The following CSPP1 variants were observed in gnomAD, a reference collection of about 807,000 sequenced individuals.
CSPP1 encodes centrosome and spindle pole associated protein 1.
In CSPP1, 126 loss-of-function variants were observed where a neutral mutation model predicts 164.4. The ratio of observed to expected loss-of-function variants is 0.77; its 90% CI spans 0.66 to 0.89. CSPP1 has a LOEUF of 0.89. Ranked by LOEUF, CSPP1 falls within the 40% of genes least tolerant of loss-of-function variation. The pLI, the probability that CSPP1 is intolerant of heterozygous loss-of-function variation, is 0.00. For synonymous variants in CSPP1, 472 were observed against 476.7 expected, an observed-to-expected ratio of 0.99 and a Z score of 0.13; for missense variants, 1,395 against 1,449.8, an observed-to-expected ratio of 0.96 and a Z score of 0.61.
intron 23 of CSPP1, among the ~76,000 whole-genome samples, chr8:67,164,044 A>G (rs1828858981): frequency 6.6e-6 from 1 of 152,138 alleles, no homozygotes; most frequent in Non-Finnish European, 1.5e-5. Context: ...ATGTATGTGT[A>G]TTTCTGTGCA....
At chr8:67,091,980 C>A in intron 5 of CSPP1, 97 bp downstream of exon 5, 1 of 321,238 alleles carries the variant, frequency 3.1e-6, no homozygotes, top group Non-Finnish European at 6.0e-6. Flanking sequence ...TGGAAGATCA[C>A]ATCATTTCCC....
chr8:67,110,397 T>G (rs1333052939), intron 9 of CSPP1, among the ~76,000 whole-genome samples: 1 of 152,050 alleles, frequency 6.6e-6, no homozygotes, highest in African/African-American at 2.4e-5. Context: ...TTCTGACATG[T>G]TCCCTGAGAG....
intron 16 of CSPP1, among the ~76,000 whole-genome samples, chr8:67,132,845 C>T (rs1016429074): frequency 1.2e-4 from 18 of 152,192 alleles, no homozygotes; most frequent in African/African-American, 4.3e-4. Flanking sequence ...GAGTAACTAT[C>T]AAATGTATGG....
rs772464232 is a variant in CSPP1, at chr8:67,195,572, C to G, written c.3660C>G (p.Gly1220=). ...AACCAGGCACTTTCACTTGGCAGGG[C>G]CTGTCGACTGCACATGGTTAAAATA... ...PGKPGTFTWQ[G]LSTAHG Residue 1220 remains glycine, a synonymous_variant, in exon 31 of 31, where the codon GGC becomes GGG. Transcript: ENST00000678616. 6.2e-7 allele frequency: 1 copy of G among 1,614,096 alleles called. No individual in the cohort carries two copies. The highest frequency in any genetic ancestry group is 1.1e-5 in the South Asian group (1 of 91,072).
intron 26 of CSPP1, among the ~76,000 whole-genome samples, chr8:67,177,145 G>A (rs1325132068): frequency 6.0e-5 from 9 of 150,572 alleles, no homozygotes; most frequent in Non-Finnish European, 1.3e-4. Flanking sequence ...AAATATCTGA[G>A]AAGGAATACA....
chr8:67,177,858 A>G, intron 27 of CSPP1, 132 bp downstream of exon 27: 1 of 730,226 alleles, frequency 1.4e-6, no homozygotes, highest in Non-Finnish European at 2.5e-6. Context: ...TTATCAGTAA[A>G]GTGGATAGCT....
In CSPP1 at chr8:67,131,994, G is replaced by A. The variant is rs1821329233; in HGVS notation, c.1741G>A (p.Val581Met). The A allele has an allele frequency of 6.2e-7, 1 of 1,613,484 alleles. No homozygotes were observed. Among genetic ancestry groups the A allele is most frequent in the African/African-American group, 1.3e-5 (1 of 75,046 alleles). ...QNELKITSDQ[V>M]INSGLIFEDK... Reference sequence around the variant, plus strand: ...TGAACTGAAGATTACAAGTGATCAAGTGATAAATTCAGGATTGATTTTTGA... The same window carrying A: ...TGAACTGAAGATTACAAGTGATCAAATGATAAATTCAGGATTGATTTTTGA... Residue 581 changes from valine to methionine, a missense_variant, in exon 16 of 31, where the codon GTG (valine) becomes ATG (methionine). Val to Met is a conservative substitution (Grantham distance 21). Transcript: ENST00000678616.
At chr8:67,116,921 A>G (rs1223602082) in intron 13 of CSPP1, among the ~76,000 whole-genome samples, 1 of 152,098 alleles carries the variant, frequency 6.6e-6, no homozygotes, top group African/African-American at 2.4e-5. Context: ...TGTGTTTACT[A>G]TACTTATCAG....
intron 25 of CSPP1, among the ~76,000 whole-genome samples, chr8:67,173,157 G>A (rs1252296125): frequency 6.6e-6 from 1 of 152,180 alleles, no homozygotes; most frequent in African/African-American, 2.4e-5. Flanking sequence ...AGAGGGATCA[G>A]GAGCTGGAAG....
At chr8:67,067,135 T>G (rs1462947359) in intron 1 of CSPP1, among the ~76,000 whole-genome samples, 1 of 152,190 alleles carries the variant, frequency 6.6e-6, no homozygotes. Context: ...TTTCTCATGC[T>G]CCCATAGTGG....
At chr8:67,167,353 C>A (rs1472744636) in intron 24 of CSPP1, among the ~76,000 whole-genome samples, 1 of 150,074 alleles carries the variant, frequency 6.7e-6, no homozygotes, top group Non-Finnish European at 1.5e-5. Flanking sequence ...CGGAGGCTGC[C>A]CCCCACCTCC....
intron 17 of CSPP1, among the ~76,000 whole-genome samples, chr8:67,148,181 A>G (rs1266508905): frequency 1.3e-5 from 2 of 152,188 alleles, no homozygotes; most frequent in Non-Finnish European, 2.9e-5. Flanking sequence ...GGCCTCCCAA[A>G]GTGCTGGGAT....
At position 67,095,429 on chromosome 8, in the gene CSPP1, T is replaced by C; in HGVS notation, c.620T>C (p.Leu207Pro). ...CCTTCAGAGGCATATGAAGAACTTC[T>C]GAACCAAAGACGACTAGAGGAGGAC... is the stretch of plus-strand genomic sequence containing the variant. Reference protein sequence around the residue: ...LTPSEAYEELLNQRRLEEDRY... With the variant: ...LTPSEAYEELPNQRRLEEDRY... The change falls in exon 7 of 31, where the codon CTG becomes CCG. Residue 207 changes from leucine to proline, a missense_variant. Leu to Pro is a moderately conservative substitution (Grantham distance 98, BLOSUM62 -3). Transcript: ENST00000678616. 1 of 1,613,520 alleles carries C rather than the reference T, an allele frequency of 6.2e-7. No individual in the cohort carries two copies. The highest frequency in any genetic ancestry group is 8.5e-7 in the Non-Finnish European group (1 of 1,179,860).
chr8:67,172,268 A>G, intron 24 of CSPP1, 148 bp from the exon 25 acceptor site: 1 of 564,762 alleles, frequency 1.8e-6, no homozygotes, highest in Non-Finnish European at 3.1e-6. Context: ...TGCTGGGATT[A>G]CAAGTGTGAG....
intron 1 of CSPP1, chr8:67,065,407 C>G: frequency 4.0e-6 from 1 of 251,952 alleles, no homozygotes; most frequent in South Asian, 1.5e-4. Flanking sequence ...CCATCACCTA[C>G]TTTCCAAACA....
intron 1 of CSPP1, 101 bp downstream of exon 1, chr8:67,064,639 C>A: frequency 1.1e-6 from 1 of 906,896 alleles, no homozygotes; most frequent in Non-Finnish European, 1.5e-6. Flanking sequence ...GGGCGTAGGT[C>A]TCGAGGCAAC....
chr8:67,123,911 T>C (rs1819530653), intron 15 of CSPP1, among the ~76,000 whole-genome samples: 1 of 151,318 alleles, frequency 6.6e-6, no homozygotes, highest in Non-Finnish European at 1.5e-5. Flanking sequence ...GGCTCTTTTT[T>C]TTTTTTTTAA....
At chr8:67,097,845 A>G (rs1441117534) in intron 7 of CSPP1, among the ~76,000 whole-genome samples, 1 of 151,976 alleles carries the variant, frequency 6.6e-6, no homozygotes, top group Non-Finnish European at 1.5e-5. Context: ...TCCAAATACT[A>G]TTTAAGAATA....
rs1586789088 is a variant in CSPP1 at position 67,179,935 on chromosome 8, A to G, written c.3220+9A>G. The G allele has an allele frequency of 4.2e-6, 6 of 1,439,748 alleles. No homozygotes were observed. The African/African-American group carries it at 5.6e-5, about 13-fold the overall frequency. The allele number at this position is 1,439,748 out of a possible 1,614,324, so 89.2% of individuals were successfully genotyped here. A position where few individuals can be genotyped will look rare whatever the true frequency, so the allele number is the denominator to read the frequency against. ...TGATAGTGCTTTTATTGGTGAGTATATTTATTTTATTAAGGCTATATTGTT... is the reference window on the plus strand; with the variant it reads ...TGATAGTGCTTTTATTGGTGAGTATGTTTATTTTATTAAGGCTATATTGTT... On this transcript the variant is annotated intron_variant, in intron 28 of 30. Coordinates refer to ENST00000678616, the MANE Select transcript of CSPP1 (RefSeq NM_001382391.1).
Sources: gnomAD v4.1 joint callset for allele counts (sites outside exome capture counted in the v4.1 genomes callset) on GRCh38, gnomAD v4.1.1 for gene constraint, MANE v1.5 for transcripts, NCBI Gene and HGNC (gene_info 2026-07-23, HGNC 2026-07-21) for gene names.